IMPG2: variants seen among roughly 807,000 people sequenced by gnomAD.
The protein encoded by IMPG2 is IPM 200.
In IMPG2, 91 loss-of-function variants were observed where a neutral mutation model predicts 129.2. The ratio of observed to expected loss-of-function variants is 0.70; its 90% CI spans 0.59 to 0.84. The LOEUF is 0.84. IMPG2 is among the 40% of genes least tolerant of loss of function. The pLI is 0.00. For missense variants in IMPG2, 1,430 were observed against 1,461.7 expected (o/e 0.98, Z 0.35); for synonymous variants, 510 against 517.7 (o/e 0.99, Z 0.20).
At position 101,225,317 on chromosome 3, in the gene IMPG2, T is replaced by C. The variant is rs758145365; in HGVS notation, c.*1652A>G. Reference sequence around the variant, plus strand: ...CTATACTGAACTGTTAGAGGATCCATTATGTGAGTAGGGAATGAAAGGAAA... The same window carrying C: ...CTATACTGAACTGTTAGAGGATCCACTATGTGAGTAGGGAATGAAAGGAAA... On this transcript the variant is annotated 3_prime_UTR_variant, in exon 19 of 19. Transcript: ENST00000193391. 2.0e-5 allele frequency: 3 copies of C among 152,254 alleles called. No homozygotes were observed. The highest frequency in any genetic ancestry group is 2.4e-5 in the African/African-American group (1 of 41,462). The allele number at this position is 152,254 out of a possible 1,614,324, so 9.4% of individuals were successfully genotyped here. A position where few individuals can be genotyped will look rare whatever the true frequency, so the allele number is the denominator to read the frequency against.
At chr3:101,239,986 G>C (rs1706389043) in intron 14 of IMPG2, among the ~76,000 whole-genome samples, 1 of 151,846 alleles carries the variant, frequency 6.6e-6, no homozygotes, top group South Asian at 2.1e-4. Flanking sequence ...GCTGATGGGT[G>C]CAGCAAACCA....
At chr3:101,260,809 T>G (rs1706661056) in intron 9 of IMPG2, among the ~76,000 whole-genome samples, 1 of 152,178 alleles carries the variant, frequency 6.6e-6, no homozygotes, top group Admixed American at 6.5e-5. Context: ...CCTCACCAAC[T>G]ATACAGGCAC....
At chr3:101,258,731 T>C (rs908443793) in intron 9 of IMPG2, among the ~76,000 whole-genome samples, 3 of 151,908 alleles carry the variant, frequency 2.0e-5, no homozygotes, top group South Asian at 2.1e-4. Flanking sequence ...AGACAGAAAA[T>C]AAATAAGCAT....
intron 3 of IMPG2, among the ~76,000 whole-genome samples, chr3:101,291,818 T>C (rs150549834): frequency 2.4e-3 from 369 of 152,192 alleles, no homozygotes; most frequent in African/African-American, 8.7e-3. Context: ...ACTTGCAGAG[T>C]TTTACATAAA....
At chr3:101,227,880 T>C (rs1222056522) in intron 18 of IMPG2, 1 of 456,058 alleles carries the variant, frequency 2.2e-6, no homozygotes, top group African/African-American at 2.0e-5. Context: ...GAAAAAGAAT[T>C]TTGAGTAAAG....
intron 7 of IMPG2, among the ~76,000 whole-genome samples, chr3:101,272,046 A>G (rs182592451): frequency 7.0e-4 from 106 of 152,098 alleles, no homozygotes; most frequent in African/African-American, 2.4e-3. Flanking sequence ...CTGATGTTGT[A>G]CTTCGTGTTA....
At chr3:101,254,530 G>A (rs1706578474) in intron 10 of IMPG2, among the ~76,000 whole-genome samples, 1 of 152,066 alleles carries the variant, frequency 6.6e-6, no homozygotes, top group Non-Finnish European at 1.5e-5. Flanking sequence ...AGAAGGGATT[G>A]CCAGGAGAGT....
intron 2 of IMPG2, among the ~76,000 whole-genome samples, chr3:101,311,786 T>C (rs992792277): frequency 6.6e-6 from 1 of 152,108 alleles, no homozygotes; most frequent in South Asian, 2.1e-4. Context: ...AGATGGTGAA[T>C]TCATGCCTAA....
chr3:101,253,659 T>G (rs1008859993), intron 11 of IMPG2, 37 bp downstream of exon 11: 2 of 1,408,732 alleles, frequency 1.4e-6, no homozygotes, highest in Non-Finnish European at 2.0e-6. Context: ...AAGAGAAGCT[T>G]GAGGGCCTGG....
chr3:101,306,735 T>C (rs1045388269), intron 2 of IMPG2, among the ~76,000 whole-genome samples: 1 of 151,954 alleles, frequency 6.6e-6, no homozygotes, highest in South Asian at 2.1e-4. Context: ...TTCTTCATAC[T>C]ATACACAAAA....
intron 3 of IMPG2, among the ~76,000 whole-genome samples, chr3:101,292,842 T>C (rs557227099): frequency 6.6e-6 from 1 of 152,342 alleles, no homozygotes; most frequent in Admixed American, 6.5e-5. Flanking sequence ...GTTCACAGCA[T>C]CTTTACCAGA....
intron 10 of IMPG2, 66 bp from the exon 11 acceptor site, chr3:101,253,847 C>G: frequency 9.2e-7 from 1 of 1,087,200 alleles, no homozygotes; most frequent in East Asian, 2.5e-5. Context: ...GGTGCAGGGA[C>G]AACTGAAAGT....
chr3:101,229,091 A>G (rs1017303600), intron 17 of IMPG2, among the ~76,000 whole-genome samples: 1 of 149,660 alleles, frequency 6.7e-6, no homozygotes, highest in Non-Finnish European at 1.5e-5. Flanking sequence ...AATCAGACAT[A>G]TTTCTAAGGA....
intron 4 of IMPG2, among the ~76,000 whole-genome samples, chr3:101,280,254 T>C (rs1164701448): frequency 6.6e-6 from 1 of 152,218 alleles, no homozygotes; most frequent in Non-Finnish European, 1.5e-5. Flanking sequence ...TTTAAAGACA[T>C]TGTAAAACAA....
intron 3 of IMPG2, among the ~76,000 whole-genome samples, chr3:101,295,615 T>G (rs192584469): frequency 6.6e-6 from 1 of 152,326 alleles, no homozygotes; most frequent in Admixed American, 6.5e-5. Flanking sequence ...GGTAGTTTGA[T>G]GGGAAGAGCA....
At chr3:101,268,635 A>ATATG (rs34476951) in intron 8 of IMPG2, among the ~76,000 whole-genome samples, 11 of 151,844 alleles carry the variant, frequency 7.2e-5, no homozygotes, top group Non-Finnish European at 1.6e-4. Flanking sequence ...ATATATATAT[A>ATATG]AAGCCTGGCA....
chr3:101,288,119 A>G (rs1041908177), intron 4 of IMPG2, among the ~76,000 whole-genome samples: 1 of 152,216 alleles, frequency 6.6e-6, no homozygotes, highest in Non-Finnish European at 1.5e-5. Flanking sequence ...ACATGAGGTC[A>G]ATATATGAAA....
rs1345903285 is a variant in IMPG2, at chr3:101,269,673, AAC to A, written c.829-102_829-101del. 4 of 758,760 alleles carry A rather than the reference AAC, an allele frequency of 5.3e-6. No individual in the cohort carries two copies. The African/African-American group carries it at 5.3e-5, about 10-fold the overall frequency. 47.0% of individuals were successfully genotyped at this position (758,760 alleles called of 1,614,324 possible). A position where few individuals can be genotyped will look rare whatever the true frequency, so the allele number is the denominator to read the frequency against. ...GTAGAATAAAAAGTGAACTGTTCAC[AAC>A]TATTAGAAGCTTATACACTTAGCTA... On this transcript the variant is annotated intron_variant, in intron 7 of 18. Transcript: ENST00000193391.
At chr3:101,244,854 A>AGG in intron 12 of IMPG2, 67 bp from the exon 13 acceptor site, 1 of 1,378,586 alleles carries the variant, frequency 7.3e-7, no homozygotes, top group Non-Finnish European at 1.0e-6. Flanking sequence ...TTCTCCTAAT[A>AGG]AAACTAGTTG....
Sources: gnomAD v4.1 joint callset for allele counts (sites outside exome capture counted in the v4.1 genomes callset) on GRCh38, gnomAD v4.1.1 for gene constraint, MANE v1.5 for transcripts, NCBI Gene and HGNC (gene_info 2026-07-23, HGNC 2026-07-21) for gene names.